Variants in ALB observed in about 807,000 individuals in gnomAD.
The protein encoded by ALB is serum albumin.
ALB carries 37 observed loss-of-function variants against 74.5 expected under a neutral mutation model. The observed-to-expected ratio is 0.50, with a 90% CI of 0.38 to 0.65. The LOEUF (loss-of-function observed/expected upper bound fraction) is 0.65. Among genes scored for constraint, ALB ranks in the 30% least tolerant of loss-of-function variants. The pLI is 0.00. For missense variants in ALB, 685 were observed against 718.7 expected, an observed-to-expected ratio of 0.95 and a Z score of 0.54; for synonymous variants, 249 against 251.6, an observed-to-expected ratio of 0.99 and a Z score of 0.10.
chr4:73,409,250 A>G, intron 4 of ALB, 105 bp from the exon 5 acceptor site: 1 of 1,246,410 alleles, frequency 8.0e-7, no homozygotes, highest in East Asian at 2.4e-5. Flanking sequence ...TTGGTTAATT[A>G]GATATCTTTG....
At chr4:73,414,956 G>A in intron 8 of ALB, 79 bp from the exon 9 acceptor site, 2 of 1,551,600 alleles carry the variant, frequency 1.3e-6, no homozygotes, top group Non-Finnish European at 1.8e-6. Flanking sequence ...TGGAATATGA[G>A]TTACTTTTGA....
intron 12 of ALB, among the ~76,000 whole-genome samples, chr4:73,418,692 G>T (rs1224882928): frequency 6.6e-6 from 1 of 152,128 alleles, no homozygotes; most frequent in Non-Finnish European, 1.5e-5. Context: ...CCCTATGGTG[G>T]CCCCACACAT....
At position 73,419,544 on chromosome 4, in the gene ALB, A is replaced by G. The variant is rs61579038; in HGVS notation, c.1690A>G (p.Thr564Ala). ...VELVKHKPKA[T>A]KEQLKAVMDD... The stretch of plus-strand genomic sequence containing the variant: ...GCTCGTGAAACACAAGCCCAAGGCA[A>G]CAAAAGAGCAACTGAAAGCTGTTAT... The change falls in exon 13 of 15, where the codon ACA becomes GCA. Residue 564 changes from threonine (T) to alanine (A), a missense_variant. By Grantham distance (58) the Thr-to-Ala change is moderately conservative. Transcript: ENST00000295897. 6.2e-7 allele frequency: 1 copy of G among 1,613,950 alleles called. No homozygotes were observed. Among genetic ancestry groups the G allele is most frequent in the Non-Finnish European group, 8.5e-7 (1 of 1,179,932 alleles).
At chr4:73,408,857 A>ATGCT in intron 4 of ALB, 52 bp downstream of exon 4, 3 of 1,440,146 alleles carry the variant, frequency 2.1e-6, no homozygotes, top group African/African-American at 1.4e-5. Flanking sequence ...GAGTAACTCC[A>ATGCT]TAGGCCAACA....
Position 73,410,401 on chromosome 4 carries a change from C to G in ALB, c.705C>G (p.Phe235Leu). Reference sequence around the variant, plus strand: ...TCCAAAAATTTGGAGAAAGAGCTTTCAAAGCATGGTAAATACTTTTAAACA... The same window carrying G: ...TCCAAAAATTTGGAGAAAGAGCTTTGAAAGCATGGTAAATACTTTTAAACA... The part of the protein sequence containing the change: ...ASLQKFGERA[F>L]KAWAVARLSQ... The change falls in exon 6 of 15, where the codon TTC becomes TTG. Residue 235 changes from phenylalanine to leucine, a missense_variant. By Grantham distance (22) the Phe-to-Leu change is conservative (BLOSUM62 0). Transcript: ENST00000295897. The G allele has an allele frequency of 1.2e-6, 2 of 1,606,554 alleles. No individual in the cohort carries two copies. The highest frequency in any genetic ancestry group is 3.3e-5 in the Admixed American group (2 of 59,988).
chr4:73,407,989 CTAGAG>C (rs1718775063), intron 3 of ALB, among the ~76,000 whole-genome samples: 1 of 152,038 alleles, frequency 6.6e-6, no homozygotes, highest in Non-Finnish European at 1.5e-5. Context: ...TAAATTCTGT[CTAGAG>C]TAGTATATTT....
chr4:73,415,836 A>C (rs1204538525), intron 9 of ALB, among the ~76,000 whole-genome samples: 1 of 152,190 alleles, frequency 6.6e-6, no homozygotes, highest in African/African-American at 2.4e-5. Flanking sequence ...AATATGTACA[A>C]TCATAGCCAT....
intron 2 of ALB, 28 bp downstream of exon 2, chr4:73,405,201 T>G (rs762571150): frequency 2.1e-5 from 33 of 1,538,976 alleles, no homozygotes; most frequent in African/African-American, 5.4e-5. Flanking sequence ...TGAATCAAAT[T>G]TAATGTTTCT....
chr4:73,418,265 G>C lies in ALB; in HGVS notation c.1606G>C (p.Asp536His). The C allele has an allele frequency of 1.9e-6, 3 of 1,614,066 alleles. No individual in the cohort carries two copies. In the South Asian group the frequency reaches 3.3e-5, roughly 18 times the overall value. Residue 536 changes from aspartate (D) to histidine (H), a missense_variant, in exon 12 of 15, where the codon GAT becomes CAT. Transcript: ENST00000295897. ...TGCTGAAACATTCACCTTCCATGCA[G>C]ATATATGCACACTTTCTGAGAAGGA... The part of the protein sequence containing the change: ...FNAETFTFHA[D>H]ICTLSEKERQ...
At chr4:73,409,248 T>G in intron 4 of ALB, 107 bp from the exon 5 acceptor site, 1 of 1,231,362 alleles carries the variant, frequency 8.1e-7, no homozygotes, top group Non-Finnish European at 1.2e-6. Flanking sequence ...AATTGGTTAA[T>G]TAGATATCTT....
chr4:73,413,681 CA>C, intron 8 of ALB, 47 bp downstream of exon 8: 4 of 1,571,102 alleles, frequency 2.5e-6, no homozygotes, highest in Non-Finnish European at 8.7e-7. Context: ...CATGACCTCA[CA>C]ACTTAGGAGG....
intron 7 of ALB, 106 bp from the exon 8 acceptor site, chr4:73,413,314 T>G: frequency 9.5e-7 from 1 of 1,047,296 alleles, no homozygotes; most frequent in Admixed American, 1.9e-5. Context: ...AATATGTGTA[T>G]GGTCTTAGAA....
intron 11 of ALB, among the ~76,000 whole-genome samples, 181 bp downstream of exon 11, chr4:73,417,850 ATTTT>A (rs371597764): frequency 7.1e-6 from 1 of 140,218 alleles, no homozygotes; most frequent in Non-Finnish European, 1.6e-5. Context: ...GAGGATGATA[ATTTT>A]TTTTTTTTTT....
chr4:73,410,314 C>T lies in ALB; in HGVS notation c.618C>T (p.Leu206=), dbSNP rs560693428. 5.6e-6 allele frequency: 9 copies of T among 1,612,932 alleles called. No individual in the cohort carries two copies. Among genetic ancestry groups the T allele is most frequent in the African/African-American group, 2.7e-5 (2 of 74,978 alleles). ...CATCAAATTATTCCTTTTTGTAGCT[C>T]GATGAACTTCGGGATGAAGGGAAGG... is the stretch of plus-strand genomic sequence containing the variant. ...ADKAACLLPK[L]DELRDEGKAS... is the part of the protein sequence containing the mutation. Residue 206 remains leucine (L), a splice_region_variant and synonymous_variant, in exon 6 of 15, where the codon CTC becomes CTT. Transcript: ENST00000295897.
chr4:73,409,256 C>T, intron 4 of ALB, 99 bp from the exon 5 acceptor site: 1 of 1,319,750 alleles, frequency 7.6e-7, no homozygotes, highest in Non-Finnish European at 1.1e-6. Flanking sequence ...AATTAGATAT[C>T]TTTGGAATTT....
rs1442686804 is a variant in ALB, at chr4:73,410,327, G to T, written c.631G>T (p.Asp211Tyr). The stretch of plus-strand genomic sequence containing the variant: ...CTTTTTGTAGCTCGATGAACTTCGG[G>T]ATGAAGGGAAGGCTTCGTCTGCCAA... Reference protein sequence around the residue: ...CLLPKLDELRDEGKASSAKQR... With the variant: ...CLLPKLDELRYEGKASSAKQR... Residue 211 changes from aspartate (D) to tyrosine (Y), a missense_variant, in exon 6 of 15, where the codon GAT (aspartate) becomes TAT (tyrosine). Coordinates refer to ENST00000295897, the MANE Select transcript of ALB (RefSeq NM_000477.7). 1 of 1,613,724 alleles carries T rather than the reference G, an allele frequency of 6.2e-7. No homozygotes were observed. Among genetic ancestry groups the T allele is most frequent in the African/African-American group, 1.3e-5 (1 of 75,012 alleles).
Position 73,419,633 on chromosome 4 carries a change from C to G in ALB, c.1779C>G (p.Ala593=), listed in dbSNP as rs374224936. ...CTGACGATAAGGAGACCTGCTTTGCCGAGGAGGTACTACAGTTCTCTTCAT... is the reference window on the plus strand; with the variant it reads ...CTGACGATAAGGAGACCTGCTTTGCGGAGGAGGTACTACAGTTCTCTTCAT... ...CKADDKETCF[A]EEGKKLVAAS... The change falls in exon 13 of 15, where the codon GCC becomes GCG. Residue 593 remains alanine (A), a synonymous_variant. Coordinates refer to ENST00000295897, the MANE Select transcript of ALB (RefSeq NM_000477.7). The G allele has an allele frequency of 3.7e-6, 6 of 1,613,892 alleles. No individual in the cohort carries two copies. Among genetic ancestry groups the G allele is most frequent in the Non-Finnish European group, 5.1e-6 (6 of 1,179,898 alleles).
At position 73,409,371 on chromosome 4, in the gene ALB, G is replaced by T; in HGVS notation, c.499G>T (p.Ala167Ser). The part of the protein sequence containing the change: ...TFLKKYLYEI[A>S]RRHPYFYAPE... Reference sequence around the variant, plus strand: ...AAAATTTAGATACTTATATGAAATTGCCAGAAGACATCCTTACTTTTATGC... The same window carrying T: ...AAAATTTAGATACTTATATGAAATTTCCAGAAGACATCCTTACTTTTATGC... Residue 167 changes from alanine (A) to serine (S), a missense_variant, in exon 5 of 15, where the codon GCC becomes TCC. Ala to Ser is a moderately conservative substitution (Grantham distance 99). Transcript: ENST00000295897. 6.2e-7 allele frequency: 1 copy of T among 1,613,468 alleles called. No individual in the cohort carries two copies. Among genetic ancestry groups the T allele is most frequent in the Non-Finnish European group, 8.5e-7 (1 of 1,179,520 alleles).
At chr4:73,405,447 A>G (rs1718695727) in intron 2 of ALB, among the ~76,000 whole-genome samples, 1 of 152,170 alleles carries the variant, frequency 6.6e-6, no homozygotes, top group African/African-American at 2.4e-5. Flanking sequence ...GTATATAGTC[A>G]CATGTGGCTA....
Sources: allele counts gnomAD v4.1 joint callset (sites outside exome capture counted in the v4.1 genomes callset), GRCh38; gene constraint gnomAD v4.1.1; transcripts MANE v1.5; gene names NCBI Gene and HGNC (gene_info 2026-07-23, HGNC 2026-07-21).